Variants in NRXN3 observed in about 807,000 individuals in gnomAD.
NRXN3 encodes neurexin 3.
Under a neutral mutation model 137.6 loss-of-function variants are expected in NRXN3, and 32 were observed. That is an observed-to-expected ratio of 0.23 (90% confidence interval 0.18 to 0.31). The LOEUF (loss-of-function observed/expected upper bound fraction) is 0.31. NRXN3 is among the 10% of genes least tolerant of loss of function. NRXN3 has a pLI of 1.00. For synonymous variants in NRXN3, 798 were observed against 784.5 expected, an observed-to-expected ratio of 1.02 and a Z score of -0.29; for missense variants, 1,574 against 2,062.5, an observed-to-expected ratio of 0.76 and a Z score of 4.59.
chr14:79,355,830 C>T (rs554943256), intron 15 of NRXN3, among the ~76,000 whole-genome samples: 54 of 152,240 alleles, frequency 3.5e-4, no homozygotes, highest in African/African-American at 1.2e-3. Flanking sequence ...TATTTCATCT[C>T]TTGACTAGTT....
chr14:78,794,788 T>A (rs1411153611), intron 8 of NRXN3, among the ~76,000 whole-genome samples: 1 of 152,018 alleles, frequency 6.6e-6, no homozygotes, highest in Admixed American at 6.6e-5. Context: ...CAAAATTAAA[T>A]CTCTGGCTAG....
At chr14:79,846,859 A>G (rs1276865801) in intron 20 of NRXN3, among the ~76,000 whole-genome samples, 1 of 152,206 alleles carries the variant, frequency 6.6e-6, no homozygotes, top group Admixed American at 6.5e-5. Context: ...GAATGAATTA[A>G]TGGATAAGCA....
chr14:79,629,826 CGT>C lies in NRXN3; in HGVS notation c.3445-33936_3445-33935del, dbSNP rs543719888. Among the ~76,000 whole-genome samples the C allele has an allele frequency of 2.9e-3, 204 of 71,050 alleles. 2 individuals are homozygous for C. The highest frequency in any genetic ancestry group is 0.017 in the Admixed American group (155 of 9,158). The allele number at this position is 71,050 out of a possible 152,430, so 46.6% of individuals were successfully genotyped here. On this transcript the variant is annotated intron_variant, in intron 16 of 20. Coordinates refer to ENST00000335750, the MANE Select transcript of NRXN3 (RefSeq NM_001330195.2). ...GTGTGTGTATGTGCGTGTGTGTGTGCGTGTGTGTGTGTGTGTGCGTGTGTGTG... is the reference window on the plus strand; with the variant it reads ...GTGTGTGTATGTGCGTGTGTGTGTGCGTGTGTGTGTGTGTGCGTGTGTGTG...
chr14:78,524,078 T>C (rs570324468), intron 4 of NRXN3, among the ~76,000 whole-genome samples: 67 of 152,344 alleles, frequency 4.4e-4, no homozygotes, highest in Non-Finnish European at 8.4e-4. Context: ...TCACAAAGTA[T>C]GCTAGACATA....
At chr14:78,709,758 T>G in intron 7 of NRXN3, 103 bp downstream of exon 7, 1 of 1,024,234 alleles carries the variant, frequency 9.8e-7, no homozygotes, top group African/African-American at 1.6e-5. Context: ...GCATGCTTGT[T>G]GATTCTTTTG....
intron 10 of NRXN3, among the ~76,000 whole-genome samples, chr14:78,938,714 T>A (rs1312440757): frequency 6.6e-6 from 1 of 152,172 alleles, no homozygotes; most frequent in Non-Finnish European, 1.5e-5. Context: ...CTTCTAAATC[T>A]TATTTAAACC....
intron 15 of NRXN3, among the ~76,000 whole-genome samples, chr14:79,232,283 TGTGC>T (rs1442523197): frequency 6.6e-6 from 1 of 152,110 alleles, no homozygotes; most frequent in Non-Finnish European, 1.5e-5. Context: ...TGTATGTGTG[TGTGC>T]GTGCTCCAAG....
chr14:79,226,408 G>A (rs1018692571), intron 15 of NRXN3, among the ~76,000 whole-genome samples: 10 of 152,062 alleles, frequency 6.6e-5, no homozygotes, highest in African/African-American at 2.2e-4. Flanking sequence ...TTATAGAATC[G>A]TTTAGCATCT....
intron 8 of NRXN3, among the ~76,000 whole-genome samples, chr14:78,736,972 C>T (rs960686247): frequency 2.0e-5 from 3 of 152,138 alleles, no homozygotes; most frequent in South Asian, 2.1e-4. Flanking sequence ...TGGTAGATTA[C>T]ATGAACTGTT....
intron 16 of NRXN3, among the ~76,000 whole-genome samples, chr14:79,632,783 A>C (rs942016818): frequency 2.6e-5 from 4 of 152,116 alleles, no homozygotes; most frequent in Admixed American, 6.5e-5. Context: ...AAGATTTTAA[A>C]ATATTAACCA....
At chr14:78,586,129 G>T (rs1345435604) in intron 4 of NRXN3, among the ~76,000 whole-genome samples, 1 of 152,150 alleles carries the variant, frequency 6.6e-6, no homozygotes, top group Non-Finnish European at 1.5e-5. Context: ...TTTATCTATT[G>T]TCTGTGGCTG....
intron 15 of NRXN3, among the ~76,000 whole-genome samples, chr14:79,422,945 G>A (rs563154635): frequency 1.4e-4 from 22 of 152,002 alleles, no homozygotes; most frequent in African/African-American, 4.6e-4. Context: ...TGATCCACCC[G>A]CCTTGGCCTC....
intron 4 of NRXN3, among the ~76,000 whole-genome samples, chr14:78,367,076 C>T (rs2086075493): frequency 6.6e-6 from 1 of 152,182 alleles, no homozygotes; most frequent in Non-Finnish European, 1.5e-5. Flanking sequence ...ATTCCTGATG[C>T]TCTCTGATTA....
intron 15 of NRXN3, among the ~76,000 whole-genome samples, chr14:79,289,771 T>C (rs1300306806): frequency 1.3e-5 from 2 of 152,172 alleles, no homozygotes; most frequent in Non-Finnish European, 2.9e-5. Context: ...GAAAGATGCT[T>C]CCTGTCCTGG....
At chr14:79,456,767 G>C (rs1467187273) in intron 15 of NRXN3, among the ~76,000 whole-genome samples, 1 of 151,526 alleles carries the variant, frequency 6.6e-6, no homozygotes, top group African/African-American at 2.4e-5. Flanking sequence ...GGAGAGGAGA[G>C]GAAGAGAAGC....
intron 16 of NRXN3, among the ~76,000 whole-genome samples, chr14:79,565,306 T>TATACACGTGTGTATAC: frequency 6.8e-6 from 1 of 145,988 alleles, no homozygotes; most frequent in African/African-American, 2.5e-5. Context: ...TGTATATACA[T>TATACACGTGTGTATAC]ATACACACAC....
At chr14:79,116,454 G>A (rs745395985) in intron 15 of NRXN3, among the ~76,000 whole-genome samples, 1 of 152,152 alleles carries the variant, frequency 6.6e-6, no homozygotes, top group African/African-American at 2.4e-5. Flanking sequence ...ACCCCATTAC[G>A]CATACACCAC....
At chr14:78,611,792 G>A (rs1442528248) in intron 4 of NRXN3, among the ~76,000 whole-genome samples, 4 of 152,178 alleles carry the variant, frequency 2.6e-5, no homozygotes, top group Non-Finnish European at 4.4e-5. Flanking sequence ...TGAATAATCT[G>A]CAGGTGCAGA....
chr14:79,159,953 G>C (rs1215413320), intron 15 of NRXN3, among the ~76,000 whole-genome samples: 2 of 151,840 alleles, frequency 1.3e-5, no homozygotes, highest in Non-Finnish European at 2.9e-5. Flanking sequence ...TATATGGCCA[G>C]TGCTAAATCT....
Sources: allele counts gnomAD v4.1 joint callset (sites outside exome capture counted in the v4.1 genomes callset), GRCh38; gene constraint gnomAD v4.1.1; transcripts MANE v1.5; gene names NCBI Gene and HGNC (gene_info 2026-07-23, HGNC 2026-07-21).